PTN: variants seen among roughly 807,000 people sequenced by gnomAD.
PTN encodes pleiotrophin.
Under a neutral mutation model 24.1 loss-of-function variants are expected in PTN, and 18 were observed. The ratio of observed to expected loss-of-function variants is 0.75; its 90% CI spans 0.52 to 1.11. PTN has a LOEUF of 1.11. PTN is among the 50% of genes least tolerant of loss of function. The probability of loss-of-function intolerance (pLI) is 0.00; values close to 1 mark genes in which losing one functional copy is unlikely to be tolerated. For missense variants in PTN, 163 were observed against 198.8 expected (o/e 0.82, Z 1.08); for synonymous variants, 78 against 68.6 (o/e 1.14, Z -0.67).
chr7:137,339,851 G>A (rs1810507249), intron 1 of PTN, among the ~76,000 whole-genome samples: 2 of 137,424 alleles, frequency 1.5e-5, no homozygotes, highest in Admixed American at 1.4e-4. Context: ...AGAAAAGGGA[G>A]CAAAGGGTTA....
At chr7:137,293,675 G>A (rs1411815781) in intron 1 of PTN, among the ~76,000 whole-genome samples, 1 of 152,096 alleles carries the variant, frequency 6.6e-6, no homozygotes, top group East Asian at 1.9e-4. Context: ...GTGGGAAATA[G>A]AGATTTCCTG....
chr7:137,298,728 G>A (rs1276607010), intron 1 of PTN, among the ~76,000 whole-genome samples: 1 of 151,834 alleles, frequency 6.6e-6, no homozygotes, highest in East Asian at 1.9e-4. Context: ...CTTTGCTCTT[G>A]GCATCACCTC....
intron 1 of PTN, among the ~76,000 whole-genome samples, chr7:137,263,206 C>T (rs764439946): frequency 6.6e-6 from 1 of 152,138 alleles, no homozygotes; most frequent in African/African-American, 2.4e-5. Flanking sequence ...GTTCCTATTA[C>T]TATTATAACT....
chr7:137,271,293 G>A (rs1374404272), intron 1 of PTN, among the ~76,000 whole-genome samples: 1 of 152,152 alleles, frequency 6.6e-6, no homozygotes, highest in Admixed American at 6.5e-5. Context: ...ATTTAAACAT[G>A]ATATCACAAA....
At chr7:137,258,191 A>G (rs1320943240) in intron 1 of PTN, among the ~76,000 whole-genome samples, 1 of 152,232 alleles carries the variant, frequency 6.6e-6, no homozygotes, top group Admixed American at 6.6e-5. Flanking sequence ...TTAGTATAGA[A>G]TAGTCTACTA....
intron 1 of PTN, among the ~76,000 whole-genome samples, chr7:137,337,215 C>A (rs1810463345): frequency 6.6e-6 from 1 of 152,144 alleles, no homozygotes; most frequent in Non-Finnish European, 1.5e-5. Context: ...TATTTGACCT[C>A]TAACTGTACA....
chr7:137,231,391 T>C (rs1808424500), intron 4 of PTN, among the ~76,000 whole-genome samples: 1 of 151,878 alleles, frequency 6.6e-6, no homozygotes. Context: ...TAGTCATCCT[T>C]AAAATCTTAG....
intron 1 of PTN, among the ~76,000 whole-genome samples, chr7:137,295,245 G>A (rs1809701291): frequency 6.6e-6 from 1 of 152,168 alleles, no homozygotes; most frequent in South Asian, 2.1e-4. Context: ...CTCAGTCCTG[G>A]CCTCTGTGGA....
At chr7:137,294,576 AAG>A (rs1256977654) in intron 1 of PTN, among the ~76,000 whole-genome samples, 2 of 152,048 alleles carry the variant, frequency 1.3e-5, no homozygotes, top group African/African-American at 4.8e-5. Context: ...ATGCCCCACC[AAG>A]AGAGTCTGGC....
intron 1 of PTN, among the ~76,000 whole-genome samples, chr7:137,275,763 T>C (rs1051312235): frequency 2.0e-5 from 3 of 152,184 alleles, no homozygotes; most frequent in Non-Finnish European, 2.9e-5. Context: ...TCCATAATCA[T>C]TCAACCTAAC....
At chr7:137,251,119 C>G in intron 4 of PTN, 111 bp downstream of exon 4, 2 of 1,292,334 alleles carry the variant, frequency 1.5e-6, no homozygotes, top group East Asian at 4.6e-5. Flanking sequence ...GTTTTTCAGT[C>G]ACTTTCTTAA....
At chr7:137,266,772 T>A (rs1809156005) in intron 1 of PTN, among the ~76,000 whole-genome samples, 1 of 152,054 alleles carries the variant, frequency 6.6e-6, no homozygotes, top group African/African-American at 2.4e-5. Flanking sequence ...AAATTTTACT[T>A]TTGTTGAAAA....
At chr7:137,294,827 G>A (rs187828046) in intron 1 of PTN, among the ~76,000 whole-genome samples, 128 of 152,298 alleles carry the variant, frequency 8.4e-4, no homozygotes, top group South Asian at 1.9e-3. Flanking sequence ...TTAAGTGGGT[G>A]TGGGATTAGA....
chr7:137,299,819 T>C (rs1809777707), intron 1 of PTN, among the ~76,000 whole-genome samples: 1 of 151,856 alleles, frequency 6.6e-6, no homozygotes, highest in African/African-American at 2.4e-5. Flanking sequence ...ATCTGACTCT[T>C]TTGCCAGAGA....
chr7:137,247,992 A>G (rs1808753127), intron 4 of PTN, among the ~76,000 whole-genome samples: 1 of 152,108 alleles, frequency 6.6e-6, no homozygotes, highest in African/African-American at 2.4e-5. Context: ...TAAATTAACC[A>G]GTGTTCCTCA....
At chr7:137,310,551 C>T (rs1809964885) in intron 1 of PTN, among the ~76,000 whole-genome samples, 1 of 151,982 alleles carries the variant, frequency 6.6e-6, no homozygotes, top group Non-Finnish European at 1.5e-5. Flanking sequence ...GCATGCGCCA[C>T]CATGCCCAGC....
At chr7:137,275,134 T>G (rs1022522646) in intron 1 of PTN, among the ~76,000 whole-genome samples, 2 of 152,182 alleles carry the variant, frequency 1.3e-5, no homozygotes, top group Non-Finnish European at 2.9e-5. Flanking sequence ...GGTGAAGAAG[T>G]GTATATCTCC....
At chr7:137,258,330 G>GA (rs1455716551) in intron 1 of PTN, among the ~76,000 whole-genome samples, 1 of 152,142 alleles carries the variant, frequency 6.6e-6, no homozygotes, top group Non-Finnish European at 1.5e-5. Context: ...GAATAATTAA[G>GA]AACATTAAGA....
intron 1 of PTN, among the ~76,000 whole-genome samples, chr7:137,278,975 T>TAAA (rs1335132574): frequency 6.9e-6 from 1 of 145,898 alleles, no homozygotes; most frequent in African/African-American, 2.5e-5. Context: ...ATAATAATAA[T>TAAA]AATAATAAAA....
Sources: gnomAD v4.1 joint callset for allele counts (sites outside exome capture counted in the v4.1 genomes callset) on GRCh38, gnomAD v4.1.1 for gene constraint, MANE v1.5 for transcripts, NCBI Gene and HGNC (gene_info 2026-07-23, HGNC 2026-07-21) for gene names.